The following MAP3K15 variants were observed in gnomAD, a reference collection of about 807,000 sequenced individuals.
The protein encoded by MAP3K15 is mitogen-activated protein kinase kinase kinase 15.
In MAP3K15, 124 loss-of-function variants were observed where a neutral mutation model predicts 99.5. The observed-to-expected ratio is 1.25, with a 90% CI of 1.08 to 1.45. MAP3K15 has a LOEUF of 1.45. Among genes scored for constraint, MAP3K15 ranks in the 40% most tolerant of loss-of-function variants. MAP3K15 has a pLI of 0.00. For synonymous variants in MAP3K15, 494 were observed against 439.6 expected (o/e 1.12, Z -1.55); for missense variants, 1,242 against 1,079.7 (o/e 1.15, Z -2.11).
In MAP3K15 at chrX:19,514,926, G is replaced by C; in HGVS notation, c.336C>G (p.Ala112=). The change falls in exon 1 of 29, where the codon GCC becomes GCG. Residue 112 remains alanine, a synonymous_variant. Transcript: ENST00000338883. ...CTGCGTCGTAGAAGGCGTCGAGCAC[G>C]GCCGTCTCCCCGAAGTCCAGCTCCC... The part of the protein sequence containing the change: ...PFGELDFGET[A]VLDAFYDADV... The C allele has an allele frequency of 8.7e-7, 1 of 1,143,543 alleles. No individual in the cohort carries two copies. The highest frequency in any genetic ancestry group is 1.2e-6 in the Non-Finnish European group (1 of 865,503). 94.2% of individuals were successfully genotyped at this position (1,143,543 alleles called of 1,213,427 possible).
At chrX:19,511,134 T>C (rs948437885) in intron 1 of MAP3K15, among the ~76,000 whole-genome samples, 1 of 111,716 alleles carries the variant, frequency 9.0e-6, no homozygotes, top group Non-Finnish European at 1.9e-5. Flanking sequence ...AAACTGAAAC[T>C]GGACCCCTTT....
At chrX:19,456,379 A>T (rs943575476) in intron 6 of MAP3K15, among the ~76,000 whole-genome samples, 2 of 112,232 alleles carry the variant, frequency 1.8e-5, no homozygotes, top group Non-Finnish European at 3.8e-5. Flanking sequence ...ACAAAAGAGT[A>T]CACACTGTGT....
chrX:19,488,640 T>C (rs1375510261), intron 2 of MAP3K15, among the ~76,000 whole-genome samples, 188 bp downstream of exon 2: 1 of 111,649 alleles, frequency 9.0e-6, no homozygotes, highest in Non-Finnish European at 1.9e-5. Flanking sequence ...CGTACGACTG[T>C]AGCACAGATG....
At chrX:19,444,478 A>G (rs1371121336) in intron 6 of MAP3K15, among the ~76,000 whole-genome samples, 2 of 111,931 alleles carry the variant, frequency 1.8e-5, no homozygotes, top group Admixed American at 1.9e-4. Flanking sequence ...CTACCTGCTC[A>G]GAACGATATT....
At chrX:19,444,004 C>G (rs1215369243) in intron 6 of MAP3K15, among the ~76,000 whole-genome samples, 1 of 111,428 alleles carries the variant, frequency 9.0e-6, no homozygotes, top group African/African-American at 3.3e-5. Context: ...ACACCCCCAG[C>G]TGCACAGGAA....
At chrX:19,401,615 G>A (rs771893311) in intron 13 of MAP3K15, among the ~76,000 whole-genome samples, 3 of 111,713 alleles carry the variant, frequency 2.7e-5, no homozygotes, top group Admixed American at 1.9e-4. Context: ...AAGATACAGG[G>A]TGTTGTATAA....
intron 19 of MAP3K15, among the ~76,000 whole-genome samples, chrX:19,379,637 T>G (rs1446092874): frequency 9.1e-6 from 1 of 110,035 alleles, no homozygotes; most frequent in Admixed American, 9.7e-5. Flanking sequence ...AGACGAGGTT[T>G]TGCCATGTTG....
chrX:19,499,147 T>C (rs1569244265), intron 1 of MAP3K15, among the ~76,000 whole-genome samples: 1 of 111,858 alleles, frequency 8.9e-6, no homozygotes, highest in Non-Finnish European at 1.9e-5. Context: ...AAGGAAGATA[T>C]CTGCATGTCC....
chrX:19,369,276 G>A, intron 24 of MAP3K15, 57 bp from the exon 25 acceptor site: 3 of 1,180,198 alleles, frequency 2.5e-6, no homozygotes, highest in Non-Finnish European at 3.5e-6. Flanking sequence ...GGGGCCTGGG[G>A]TCGCAGACAC....
intron 5 of MAP3K15, among the ~76,000 whole-genome samples, chrX:19,457,786 T>C (rs1249443315): frequency 9.0e-6 from 1 of 111,561 alleles, no homozygotes; most frequent in Non-Finnish European, 1.9e-5. Flanking sequence ...TTGGGACTAG[T>C]GACGTTTCTG....
At chrX:19,494,581 G>T (rs1048798153) in intron 1 of MAP3K15, among the ~76,000 whole-genome samples, 4 of 111,140 alleles carry the variant, frequency 3.6e-5, no homozygotes, top group African/African-American at 1.3e-4. Flanking sequence ...TTCTAGTGTG[G>T]TTTAAAAGTA....
intron 3 of MAP3K15, among the ~76,000 whole-genome samples, chrX:19,486,217 C>T (rs763298787): frequency 2.7e-5 from 3 of 111,677 alleles, no homozygotes; most frequent in Non-Finnish European, 5.6e-5. Flanking sequence ...AAGGTTACAG[C>T]TCAAAGTCCC....
At chrX:19,500,497 T>A (rs767772663) in intron 1 of MAP3K15, among the ~76,000 whole-genome samples, 2 of 110,823 alleles carry the variant, frequency 1.8e-5, no homozygotes, top group Middle Eastern at 4.7e-3. Flanking sequence ...TGGGATGGCC[T>A]GCCACAAACC....
chrX:19,470,003 G>A (rs1242497263), intron 3 of MAP3K15, among the ~76,000 whole-genome samples: 4 of 110,928 alleles, frequency 3.6e-5, no homozygotes, highest in African/African-American at 9.9e-5. Context: ...CGATTCCTCA[G>A]GGATCTAGAA....
intron 1 of MAP3K15, among the ~76,000 whole-genome samples, chrX:19,503,078 C>A (rs1012941014): frequency 9.0e-6 from 1 of 111,398 alleles, no homozygotes; most frequent in African/African-American, 3.3e-5. Flanking sequence ...GCGGGCAAAT[C>A]TGAGAAACAT....
At chrX:19,499,245 GAGA>G (rs754289471) in intron 1 of MAP3K15, among the ~76,000 whole-genome samples, 148 of 111,982 alleles carry the variant, frequency 1.3e-3, no homozygotes, top group Admixed American at 2.0e-3. Context: ...CAACCCTTAT[GAGA>G]AGAACCACAA....
Position 19,438,322 on chromosome X carries a change from G to T in MAP3K15, c.996-6714C>A, listed in dbSNP as rs1006571485. Reference sequence around the variant, plus strand: ...GGGGTCTCACTATGTGGCCCAGGCTGATCTCAAACTCCTAGGCTCAAGTGA... The same window carrying T: ...GGGGTCTCACTATGTGGCCCAGGCTTATCTCAAACTCCTAGGCTCAAGTGA... On this transcript the variant is annotated intron_variant, in intron 6 of 28. Transcript: ENST00000338883. 2.7e-5 allele frequency among the ~76,000 whole-genome samples: 3 copies of T among 111,334 alleles called. No individual in the cohort carries two copies. In the East Asian group the frequency reaches 8.4e-4, roughly 31 times the overall value.
At chrX:19,395,389 A>G (rs2063561379) in intron 15 of MAP3K15, among the ~76,000 whole-genome samples, 181 bp from the exon 16 acceptor site, 1 of 112,113 alleles carries the variant, frequency 8.9e-6, no homozygotes, top group African/African-American at 3.2e-5. Context: ...GCCTACAGCC[A>G]TGCAGGGCTG....
Position 19,361,526 on chromosome X carries a change from C to T in MAP3K15, c.3747G>A (p.Arg1249=), listed in dbSNP as rs1194257410. The T allele has an allele frequency of 8.3e-7, 1 of 1,211,409 alleles. No individual in the cohort carries two copies. The highest frequency in any genetic ancestry group is 2.2e-5 in the Admixed American group (1 of 46,079). Residue 1249 remains arginine (R), a synonymous_variant, in exon 27 of 29, where the codon CGG becomes CGA. Coordinates refer to ENST00000338883, the MANE Select transcript of MAP3K15 (RefSeq NM_001001671.4). ...TTGTCTTTGCATCAGCTCCTTGCAGCCGCAACCAGTCTATAAGCTCTTTAT... is the reference window on the plus strand; with the variant it reads ...TTGTCTTTGCATCAGCTCCTTGCAGTCGCAACCAGTCTATAAGCTCTTTAT... ...RTDKELIDWL[R]LQGADAKTIE... is the part of the protein sequence containing the mutation.
Sources: allele counts gnomAD v4.1 joint callset (sites outside exome capture counted in the v4.1 genomes callset), GRCh38; gene constraint gnomAD v4.1.1; transcripts MANE v1.5; gene names NCBI Gene and HGNC (gene_info 2026-07-23, HGNC 2026-07-21).